The following CDIN1 variants were observed in gnomAD, a reference collection of about 807,000 sequenced individuals.
The protein encoded by CDIN1 is CDAN1 interacting nuclease 1, also known as CDAN1-interacting nuclease 1.
In CDIN1, 33 loss-of-function variants were observed where a neutral mutation model predicts 45.3. The ratio of observed to expected loss-of-function variants is 0.73; its 90% CI spans 0.55 to 0.97. The LOEUF (loss-of-function observed/expected upper bound fraction) is 0.97. CDIN1 is among the 50% of genes least tolerant of loss of function. The pLI is 0.00. For synonymous variants in CDIN1, 118 were observed against 124.4 expected (o/e 0.95, Z 0.34); for missense variants, 303 against 339.4 (o/e 0.89, Z 0.84).
intron 10 of CDIN1, among the ~76,000 whole-genome samples, chr15:36,724,915 C>T (rs2043566518): frequency 6.6e-6 from 1 of 152,034 alleles, no homozygotes; most frequent in Non-Finnish European, 1.5e-5. Flanking sequence ...GAAAGTTGTA[C>T]CAAAATGTAC....
chr15:36,724,119 T>C (rs2140889976), intron 10 of CDIN1, among the ~76,000 whole-genome samples: 1 of 152,296 alleles, frequency 6.6e-6, no homozygotes, highest in African/African-American at 2.4e-5. Flanking sequence ...GTCACAGAGC[T>C]AGAAAGCCAG....
chr15:36,619,359 C>A, intron 1 of CDIN1: 1 of 424,946 alleles, frequency 2.4e-6, no homozygotes, highest in Non-Finnish European at 4.1e-6. Flanking sequence ...GAGAGGGTAA[C>A]CAGGAAGGAA....
rs559510281 is a variant in CDIN1 at position 36,645,303 on chromosome 15, C to T, written c.212+16C>T. On this transcript the variant is annotated intron_variant, in intron 3 of 10. Coordinates refer to ENST00000566621, the MANE Select transcript of CDIN1 (RefSeq NM_001321759.2). ...ATTACCAGAGGTATGACCTTCCTGC[C>T]CCACTAGAGGGTATCATAGTACCTA... The T allele has an allele frequency of 4.6e-6, 7 of 1,536,014 alleles. No individual in the cohort carries two copies. Among genetic ancestry groups the T allele is most frequent in the African/African-American group, 2.8e-5 (2 of 72,712 alleles).
intron 3 of CDIN1, among the ~76,000 whole-genome samples, chr15:36,649,706 T>G (rs932543732): frequency 6.6e-6 from 1 of 152,150 alleles, no homozygotes; most frequent in Non-Finnish European, 1.5e-5. Flanking sequence ...CTAGTAAAGA[T>G]GATAAGTTTA....
chr15:36,786,632 A>C (rs2054498089), intron 10 of CDIN1, among the ~76,000 whole-genome samples: 1 of 152,130 alleles, frequency 6.6e-6, no homozygotes, highest in Non-Finnish European at 1.5e-5. Flanking sequence ...TGCCCATCCC[A>C]CATCTAACCT....
chr15:36,608,178 G>T (rs995389475), intron 1 of CDIN1, among the ~76,000 whole-genome samples: 57 of 152,116 alleles, frequency 3.7e-4, no homozygotes, highest in African/African-American at 1.3e-3. Context: ...CTATGTTTTT[G>T]TTTCTCTTGG....
chr15:36,695,541 T>C (rs760680192), intron 7 of CDIN1, among the ~76,000 whole-genome samples: 2 of 152,116 alleles, frequency 1.3e-5, no homozygotes, highest in Non-Finnish European at 2.9e-5. Flanking sequence ...TTTACTTTCC[T>C]TAATTGTAAA....
intron 1 of CDIN1, among the ~76,000 whole-genome samples, chr15:36,630,744 G>T (rs1163223396): frequency 1.3e-5 from 2 of 152,124 alleles, no homozygotes; most frequent in Non-Finnish European, 2.9e-5. Context: ...TTCTGGTGAG[G>T]GCTTCAGGAA....
intron 7 of CDIN1, chr15:36,696,614 CCTTGCTACCTTACCCAACTGGCCT>C (rs2042435325): frequency 1.3e-5 from 2 of 152,052 alleles, no homozygotes; most frequent in Non-Finnish European, 2.9e-5. Context: ...AGAGCGGGAG[CCTTGCTACCTTACCCAACTGGCCT>C]CAAGTGATCC....
intron 10 of CDIN1, among the ~76,000 whole-genome samples, chr15:36,720,407 C>T (rs1188061575): frequency 2.0e-5 from 3 of 151,452 alleles, no homozygotes; most frequent in Admixed American, 6.6e-5. Flanking sequence ...AGGTATTTCT[C>T]CTAATGCTAT....
chr15:36,614,097 C>A, intron 1 of CDIN1: 1 of 819,154 alleles, frequency 1.2e-6, no homozygotes, highest in Admixed American at 1.7e-5. Flanking sequence ...AGATCGGTAG[C>A]CAAGCTGGAA....
chr15:36,686,318 A>C (rs1486991222), intron 5 of CDIN1, among the ~76,000 whole-genome samples: 5 of 149,224 alleles, frequency 3.4e-5, no homozygotes, highest in South Asian at 2.2e-4. Flanking sequence ...GAACAAAAAA[A>C]CAAACACCGC....
intron 10 of CDIN1, among the ~76,000 whole-genome samples, chr15:36,726,333 G>A (rs573266726): frequency 2.6e-5 from 4 of 152,080 alleles, no homozygotes; most frequent in South Asian, 4.2e-4. Context: ...ATTACCACTC[G>A]GCTTCAGTTC....
chr15:36,610,892 T>C (rs1351107777), intron 1 of CDIN1, among the ~76,000 whole-genome samples: 1 of 152,190 alleles, frequency 6.6e-6, no homozygotes, highest in African/African-American at 2.4e-5. Context: ...GGAAGAGTAA[T>C]GGTTTTGTGC....
chr15:36,804,861 G>A (rs28507511), intron 10 of CDIN1, among the ~76,000 whole-genome samples: 1 of 151,462 alleles, frequency 6.6e-6, no homozygotes, highest in African/African-American at 2.4e-5. Context: ...CTTTAGTGGA[G>A]ACGGGGTTTC....
chr15:36,684,320 A>C lies in CDIN1; in HGVS notation c.347-7365A>C, dbSNP rs983691579. On this transcript the variant is annotated intron_variant, in intron 5 of 10. Transcript: ENST00000566621. The stretch of plus-strand genomic sequence containing the variant: ...ATTTTGTCAAAGGCCTTTTCTGCAT[A>C]TATTGAGATAATCATGTGGTTTTTG... Among the ~76,000 whole-genome samples, 1,002 of 152,078 alleles carry C rather than the reference A, an allele frequency of 6.6e-3. 16 individuals carry two copies. The highest frequency in any genetic ancestry group is 0.022 in the African/African-American group (920 of 41,372).
intron 1 of CDIN1, chr15:36,626,697 A>T: frequency 2.4e-6 from 1 of 417,368 alleles, no homozygotes; most frequent in African/African-American, 2.1e-5. Context: ...AAGTGGGAGG[A>T]GGTGCTATTC....
chr15:36,694,674 C>T (rs75527559), intron 7 of CDIN1, among the ~76,000 whole-genome samples: 1,996 of 152,148 alleles, frequency 0.013, 17 homozygotes, highest in South Asian at 0.02. Flanking sequence ...ATGTGAGAAA[C>T]CAGCCACCTC....
At chr15:36,758,165 C>T (rs2053659995) in intron 10 of CDIN1, among the ~76,000 whole-genome samples, 1 of 151,968 alleles carries the variant, frequency 6.6e-6, no homozygotes, top group Non-Finnish European at 1.5e-5. Flanking sequence ...AAAACTCCTA[C>T]CAGCACCTTT....
Sources: allele counts gnomAD v4.1 joint callset (sites outside exome capture counted in the v4.1 genomes callset), GRCh38; gene constraint gnomAD v4.1.1; transcripts MANE v1.5; gene names NCBI Gene and HGNC (gene_info 2026-07-23, HGNC 2026-07-21).